The following LRRTM4 variants were observed in gnomAD, a reference collection of about 807,000 sequenced individuals.
The protein encoded by LRRTM4 is leucine-rich repeat transmembrane neuronal protein 4.
A neutral mutation model predicts 47.6 loss-of-function variants in LRRTM4; 25 were observed. The observed-to-expected ratio is 0.53, with a 90% CI of 0.38 to 0.73. The LOEUF (loss-of-function observed/expected upper bound fraction) is 0.73. Ranked by LOEUF, LRRTM4 falls within the 30% of genes least tolerant of loss-of-function variation. The pLI is 0.00. For missense variants in LRRTM4, 638 were observed against 713.4 expected (o/e 0.89, Z 1.20); for synonymous variants, 311 against 269.5 (o/e 1.15, Z -1.51).
At chr2:77,140,444 C>G (rs1672088442) in intron 3 of LRRTM4, among the ~76,000 whole-genome samples, 2 of 152,122 alleles carry the variant, frequency 1.3e-5, no homozygotes, top group African/African-American at 4.8e-5. Context: ...GAAACTGGAT[C>G]CCTTCCTTAC....
At chr2:76,763,401 CAGAG>C (rs765333263) in intron 3 of LRRTM4, among the ~76,000 whole-genome samples, 1 of 152,198 alleles carries the variant, frequency 6.6e-6, no homozygotes, top group Non-Finnish European at 1.5e-5. Context: ...AAAGAAATAA[CAGAG>C]AGCTCTCTCT....
chr2:76,932,466 CA>C lies in LRRTM4; in HGVS notation c.1552-183551del, dbSNP rs199794053. Among the ~76,000 whole-genome samples the C allele has an allele frequency of 3.7e-3, 566 of 151,986 alleles. 1 individual carries two copies. The highest frequency in any genetic ancestry group is 0.013 in the African/African-American group (541 of 41,454). On this transcript the variant is annotated intron_variant, in intron 3 of 3. Transcript: ENST00000409884. ...TATCTTCATCACAGGAGTGTTTAGC[CA>C]GTGGAGTAAAGTGAAAGTTAGGAGT...
intron 3 of LRRTM4, among the ~76,000 whole-genome samples, chr2:76,874,501 T>C (rs926099240): frequency 2.6e-5 from 4 of 152,028 alleles, no homozygotes; most frequent in Admixed American, 1.3e-4. Context: ...TGATTTTATA[T>C]GCTTTAATGA....
intron 3 of LRRTM4, among the ~76,000 whole-genome samples, chr2:77,437,300 A>G (rs1675641446): frequency 4.6e-5 from 7 of 152,062 alleles, no homozygotes; most frequent in Admixed American, 4.6e-4. Context: ...GAAATTTTAA[A>G]TATGCTTTGC....
intron 3 of LRRTM4, among the ~76,000 whole-genome samples, chr2:77,033,321 CAAGTA>C (rs58095558): frequency 0.071 from 10,716 of 151,294 alleles, 826 homozygotes; most frequent in African/African-American, 0.18. Context: ...CACTAAATGC[CAAGTA>C]AAGATTATTA....
At chr2:77,516,108 G>A (rs62159470) in intron 3 of LRRTM4, among the ~76,000 whole-genome samples, 7,908 of 151,822 alleles carry the variant, frequency 0.052, 253 homozygotes, top group Middle Eastern at 0.1. Flanking sequence ...GGCACAGAAA[G>A]TTTGAGCTAC....
At chr2:77,391,555 T>C (rs1026248417) in intron 3 of LRRTM4, among the ~76,000 whole-genome samples, 2 of 152,040 alleles carry the variant, frequency 1.3e-5, no homozygotes, top group African/African-American at 2.4e-5. Context: ...TTTAAACAAA[T>C]GATTGGAAGT....
intron 3 of LRRTM4, among the ~76,000 whole-genome samples, chr2:77,128,466 G>T (rs146217191): frequency 6.6e-6 from 1 of 152,114 alleles, no homozygotes; most frequent in South Asian, 2.1e-4. Flanking sequence ...TTCCATTGAT[G>T]TACCTGGGCC....
chr2:77,054,483 A>G (rs1251527019), intron 3 of LRRTM4, among the ~76,000 whole-genome samples: 1 of 152,208 alleles, frequency 6.6e-6, no homozygotes, highest in Non-Finnish European at 1.5e-5. Context: ...GCATTTTGTG[A>G]GAGACTTTAT....
At chr2:77,435,998 T>C (rs1428269185) in intron 3 of LRRTM4, among the ~76,000 whole-genome samples, 1 of 152,168 alleles carries the variant, frequency 6.6e-6, no homozygotes, top group Non-Finnish European at 1.5e-5. Context: ...AATTCATTTA[T>C]ATCATTCACA....
At chr2:77,513,777 A>G (rs1290654449) in intron 3 of LRRTM4, among the ~76,000 whole-genome samples, 2 of 151,842 alleles carry the variant, frequency 1.3e-5, no homozygotes, top group South Asian at 2.1e-4. Flanking sequence ...TGTTGGTCAG[A>G]CTGGTCTAAA....
chr2:77,003,521 C>G (rs1273658511), intron 3 of LRRTM4, among the ~76,000 whole-genome samples: 1 of 152,148 alleles, frequency 6.6e-6, no homozygotes. Flanking sequence ...GGGAAGTTTC[C>G]CTGTATATCA....
chr2:77,103,652 T>TATATATATATATATATATATATATCAC (rs2103916506), intron 3 of LRRTM4, among the ~76,000 whole-genome samples: 1 of 143,674 alleles, frequency 7.0e-6, no homozygotes, highest in East Asian at 2.2e-4. Flanking sequence ...TGAGTGTATA[T>TATATATATATATATATATATATATCAC]ATATATATAT....
intron 3 of LRRTM4, among the ~76,000 whole-genome samples, chr2:76,992,201 A>G (rs940614200): frequency 4.6e-5 from 7 of 151,990 alleles, no homozygotes; most frequent in African/African-American, 1.7e-4. Context: ...CAAATGCTGG[A>G]AGCATTATCC....
intron 3 of LRRTM4, among the ~76,000 whole-genome samples, chr2:77,011,710 T>C (rs1272604135): frequency 6.6e-6 from 1 of 152,050 alleles, no homozygotes; most frequent in African/African-American, 2.4e-5. Flanking sequence ...TTCATCCATG[T>C]GGTTGAGATG....
intron 3 of LRRTM4, among the ~76,000 whole-genome samples, chr2:77,091,372 A>T (rs148387501): frequency 3.2e-5 from 4 of 126,790 alleles, no homozygotes; most frequent in South Asian, 2.6e-4. Flanking sequence ...TCCCATCCCG[A>T]AGCACACTTT....
intron 3 of LRRTM4, among the ~76,000 whole-genome samples, chr2:77,347,565 T>A (rs1671613121): frequency 6.6e-6 from 1 of 152,176 alleles, no homozygotes; most frequent in South Asian, 2.1e-4. Context: ...TCTCAAATTA[T>A]CTGTAGTGAC....
At chr2:76,798,713 TAAAGAAGAAAAG>T (rs1384388522) in intron 3 of LRRTM4, among the ~76,000 whole-genome samples, 1 of 149,270 alleles carries the variant, frequency 6.7e-6, no homozygotes, top group Non-Finnish European at 1.5e-5. Context: ...GCAAGACTAA[TAAAGAAGAAAAG>T]AGAGAAGAAT....
intron 3 of LRRTM4, among the ~76,000 whole-genome samples, chr2:77,083,783 CTTTTTTTTTTTTTTTT>C (rs386390525): frequency 2.9e-4 from 15 of 52,398 alleles, no homozygotes; most frequent in South Asian, 1.4e-3. Flanking sequence ...ACTGGACACA[CTTTTTTTTTTTTTTTT>C]TTTTTTTTTT....
Sources: allele counts gnomAD v4.1 joint callset (sites outside exome capture counted in the v4.1 genomes callset), GRCh38; gene constraint gnomAD v4.1.1; transcripts MANE v1.5; gene names NCBI Gene and HGNC (gene_info 2026-07-23, HGNC 2026-07-21).